The following TYRO3 variants were observed in gnomAD, a reference collection of about 807,000 sequenced individuals.
The protein encoded by TYRO3 is TYRO3 protein tyrosine kinase, also known as tyrosine-protein kinase receptor TYRO3.
In TYRO3, 38 loss-of-function variants were observed where a neutral mutation model predicts 95.2. That is an observed-to-expected ratio of 0.40 (90% CI 0.31 to 0.52). The LOEUF (loss-of-function observed/expected upper bound fraction) is 0.52, where lower values mean the gene tolerates loss of function less well. Ranked by LOEUF, TYRO3 falls within the 20% of genes least tolerant of loss-of-function variation. The pLI, the probability that TYRO3 is intolerant of heterozygous loss-of-function variation, is 0.56. For synonymous variants in TYRO3, 367 were observed against 432.9 expected, an observed-to-expected ratio of 0.85 and a Z score of 1.89; for missense variants, 812 against 1,116.4, an observed-to-expected ratio of 0.73 and a Z score of 3.89.
chr15:41,561,861 G>A (rs1595498907), intron 3 of TYRO3: 1 of 433,658 alleles, frequency 2.3e-6, no homozygotes, highest in East Asian at 5.0e-5. Flanking sequence ...AACCTGTGGG[G>A]TGCAGTCTGT....
chr15:41,569,408 G>T (rs1048539464), intron 9 of TYRO3, among the ~76,000 whole-genome samples: 1 of 152,058 alleles, frequency 6.6e-6, no homozygotes, highest in Non-Finnish European at 1.5e-5. Context: ...GTTTGAGGCT[G>T]CAGTGAGCTA....
rs2055817526 is a variant in TYRO3, at chr15:41,573,039, A to G, written c.1913A>G (p.Asp638Gly). 6.2e-7 allele frequency: 1 copy of G among 1,614,096 alleles called. No individual in the cohort carries two copies. The highest frequency in any genetic ancestry group is 1.1e-5 in the South Asian group (1 of 91,084). Reference protein sequence around the residue: ...PLQTLIRFMVDIACGMEYLSS... With the variant: ...PLQTLIRFMVGIACGMEYLSS... ...CAGACCCTGATCCGGTTCATGGTGG[A>G]CATTGCCTGCGGCATGGAGTACCTG... The change falls in exon 16 of 19, where the codon GAC becomes GGC. Residue 638 changes from aspartate (D) to glycine (G), a missense_variant. By Grantham distance (94) the Asp-to-Gly change is moderately conservative. Transcript: ENST00000263798.
At chr15:41,572,625 G>C in intron 15 of TYRO3, 61 bp downstream of exon 15, 2 of 1,420,754 alleles carry the variant, frequency 1.4e-6, no homozygotes, top group South Asian at 2.5e-5. Flanking sequence ...GCCTGGAAAG[G>C]CATAGAGACC....
At chr15:41,560,462 A>T (rs2055638899) in intron 1 of TYRO3, among the ~76,000 whole-genome samples, 1 of 143,536 alleles carries the variant, frequency 7.0e-6, no homozygotes, top group Non-Finnish European at 1.5e-5. Flanking sequence ...CGCAAGTTCC[A>T]AAGAGTGGCC....
At chr15:41,570,513 T>TAG (rs2055781958) in intron 11 of TYRO3, 91 bp from the exon 12 acceptor site, 4 of 1,344,688 alleles carry the variant, frequency 3.0e-6, no homozygotes, top group Non-Finnish European at 2.1e-6. Flanking sequence ...AGCTCATCTC[T>TAG]ATGCTCTGAG....
chr15:41,571,130 A>ATAGC lies in TYRO3; in HGVS notation c.1660+14_1660+17dup. The stretch of plus-strand genomic sequence containing the variant: ...GAAGATGCTGAAAGGTGAGTGGGGG[A>ATAGC]TAGCTGTAGCCTGAGGGCATCACTT... On this transcript the variant is annotated intron_variant, in intron 13 of 18. Transcript: ENST00000263798. 7.3e-7 allele frequency: 1 copy of ATAGC among 1,360,972 alleles called. No individual in the cohort carries two copies. 84.3% of individuals were successfully genotyped at this position (1,360,972 alleles called of 1,614,324 possible). A position where few individuals can be genotyped will look rare whatever the true frequency, so the allele number is the denominator to read the frequency against.
intron 9 of TYRO3, 60 bp downstream of exon 9, chr15:41,569,082 C>G: frequency 6.3e-7 from 1 of 1,593,600 alleles, no homozygotes; most frequent in Non-Finnish European, 8.5e-7. Context: ...CAAGGGCAAC[C>G]TAGACTGATG....
rs143085420 is a variant in TYRO3 at position 41,561,237 on chromosome 15, G to A, written c.235G>A (p.Asp79Asn). ...MEEPDIQWVK[D>N]GAVVQNLDQL... ...GGAGCCTGACATCCAGTGGGTGAAG[G>A]ATGGGGCTGTGGTCCAGAACTTGGA... The change falls in exon 2 of 19, where the codon GAT (aspartate) becomes AAT (asparagine). Residue 79 changes from aspartate to asparagine, a missense_variant. By Grantham distance (23) the Asp-to-Asn change is conservative (BLOSUM62 1). Coordinates refer to ENST00000263798, the MANE Select transcript of TYRO3 (RefSeq NM_006293.4). 1 of 1,614,130 alleles carries A rather than the reference G, an allele frequency of 6.2e-7. No homozygotes were observed. The highest frequency in any genetic ancestry group is 1.3e-5 in the African/African-American group (1 of 74,938).
chr15:41,559,314 G>T lies in TYRO3; in HGVS notation c.57G>T (p.Pro19=). ...RPGLPPLPLP[P]PPRLGLLLAA... ...GGCTCCCGCCGCTGCCGCTGCCGCC[G>T]CCACCGCGGCTCGGGCTGCTGCTGG... is the stretch of plus-strand genomic sequence containing the variant. Residue 19 remains proline (P), a synonymous_variant, in exon 1 of 19, where the codon CCG becomes CCT. Transcript: ENST00000263798. 1.5e-6 allele frequency: 1 copy of T among 662,040 alleles called. No individual in the cohort carries two copies. 41.0% of individuals were successfully genotyped at this position (662,040 alleles called of 1,614,324 possible).
At position 41,573,697 on chromosome 15, in the gene TYRO3, A is replaced by G. The variant is rs759257948; in HGVS notation, c.2164A>G (p.Met722Val). The G allele has an allele frequency of 6.2e-7, 1 of 1,614,254 alleles. No individual in the cohort carries two copies. The change falls in exon 18 of 19, where the codon ATG (methionine) becomes GTG (valine). Residue 722 changes from methionine to valine, a missense_variant. Coordinates refer to ENST00000263798, the MANE Select transcript of TYRO3 (RefSeq NM_006293.4). The part of the protein sequence containing the change: ...QSDVWAFGVT[M>V]WEIMTRGQTP... Reference sequence around the variant, plus strand: ...GTCCCAGTGGGCGTTCGGGGTGACCATGTGGGAGATCATGACACGTGGGCA... The same window carrying G: ...GTCCCAGTGGGCGTTCGGGGTGACCGTGTGGGAGATCATGACACGTGGGCA...
At chr15:41,576,159 T>C (rs2055858279) in intron 18 of TYRO3, among the ~76,000 whole-genome samples, 1 of 151,902 alleles carries the variant, frequency 6.6e-6, no homozygotes, top group African/African-American at 2.4e-5. Flanking sequence ...TGGAAGCTTT[T>C]TCCAGATACT....
At chr15:41,570,218 C>A in intron 10 of TYRO3, 22 bp from the exon 11 acceptor site, 1 of 982,814 alleles carries the variant, frequency 1.0e-6, no homozygotes, top group Non-Finnish European at 1.5e-6. Flanking sequence ...GAGCTGACCC[C>A]AAATCCTGGG....
At position 41,580,626 on chromosome 15, in the gene TYRO3, AT is replaced by A. The variant is rs1241215623; in HGVS notation, c.*2365del. 9.3e-3 allele frequency: 1,334 copies of A among 143,092 alleles called. 16 individuals carry two copies. The highest frequency in any genetic ancestry group is 0.028 in the African/African-American group (1,099 of 39,308). The allele number at this position is 143,092 out of a possible 1,614,324, so 8.9% of individuals were successfully genotyped here. Reference sequence around the variant, plus strand: ...TATTCAGCTGGGCACAGTGGCGTGTATTTTTTTTTTTTTTTGAGACGGAGTC... The same window carrying A: ...TATTCAGCTGGGCACAGTGGCGTGTATTTTTTTTTTTTTTGAGACGGAGTC... On this transcript the variant is annotated 3_prime_UTR_variant, in exon 19 of 19. Transcript: ENST00000263798.
intron 6 of TYRO3, among the ~76,000 whole-genome samples, chr15:41,565,752 G>A (rs1469649592): frequency 6.6e-6 from 1 of 151,868 alleles, no homozygotes; most frequent in Non-Finnish European, 1.5e-5. Flanking sequence ...TTAGGTGAAA[G>A]CTCAAACCTT....
Position 41,573,291 on chromosome 15 carries a change from C to T in TYRO3, c.1986-17C>T, listed in dbSNP as rs1351786096. The stretch of plus-strand genomic sequence containing the variant: ...GCATGGCAGAAGGCTGACTCTCTCC[C>T]TCAATGCCCCTTGTAGGCTGGCAGA... On this transcript the variant is annotated splice_polypyrimidine_tract_variant and intron_variant, in intron 16 of 18. Coordinates refer to ENST00000263798, the MANE Select transcript of TYRO3 (RefSeq NM_006293.4). 3 of 1,407,650 alleles carry T rather than the reference C, an allele frequency of 2.1e-6. No individual in the cohort carries two copies. The highest frequency in any genetic ancestry group is 2.0e-6 in the Non-Finnish European group (2 of 1,020,514). The allele number at this position is 1,407,650 out of a possible 1,614,324, so 87.2% of individuals were successfully genotyped here.
At chr15:41,564,857 C>T in intron 5 of TYRO3, 169 bp from the exon 6 acceptor site, 1 of 609,730 alleles carries the variant, frequency 1.6e-6, no homozygotes, top group South Asian at 1.8e-5. Context: ...GCAGCTGTGC[C>T]CTACTGGTTG....
chr15:41,572,070 C>T (rs1388411195), intron 14 of TYRO3, among the ~76,000 whole-genome samples: 4 of 151,894 alleles, frequency 2.6e-5, no homozygotes, highest in Non-Finnish European at 4.4e-5. Context: ...TGGTGGTGTG[C>T]ACCTTTGTCC....
In TYRO3 at chr15:41,568,266, C is replaced by T. The variant is rs2055749440; in HGVS notation, c.1011C>T (p.Gly337=). ...TCCATGCCATCCGCACAGATTCAGG[C>T]CTCATCTTGGAGTGGGAAGAAGTGA... ...QNLHAIRTDS[G]LILEWEEVIP... Residue 337 remains glycine, a synonymous_variant, in exon 8 of 19, where the codon GGC becomes GGT. Transcript: ENST00000263798. 6.2e-7 allele frequency: 1 copy of T among 1,613,484 alleles called. No homozygotes were observed. The highest frequency in any genetic ancestry group is 1.1e-5 in the South Asian group (1 of 91,056).
chr15:41,578,339 A>C lies in TYRO3; in HGVS notation c.*63A>C. 1 of 1,594,550 alleles carries C rather than the reference A, an allele frequency of 6.3e-7. No individual in the cohort carries two copies. Among genetic ancestry groups the C allele is most frequent in the Non-Finnish European group, 8.6e-7 (1 of 1,168,780 alleles). On this transcript the variant is annotated 3_prime_UTR_variant, in exon 19 of 19. Coordinates refer to ENST00000263798, the MANE Select transcript of TYRO3 (RefSeq NM_006293.4). Reference sequence around the variant, plus strand: ...CTGGTGGCCACTGAGCTGGCTGACTAAGCCCCGTCTGACCCCAGCCCAGAC... The same window carrying C: ...CTGGTGGCCACTGAGCTGGCTGACTCAGCCCCGTCTGACCCCAGCCCAGAC...
Sources: gnomAD v4.1 joint callset for allele counts (sites outside exome capture counted in the v4.1 genomes callset) on GRCh38, gnomAD v4.1.1 for gene constraint, MANE v1.5 for transcripts, NCBI Gene and HGNC (gene_info 2026-07-23, HGNC 2026-07-21) for gene names.